Variants in EDIL3 observed in about 807,000 individuals in gnomAD.
The protein encoded by EDIL3 is EGF-like repeat and discoidin I-like domain-containing protein 3.
EDIL3 carries 37 observed loss-of-function variants against 67.4 expected under a neutral mutation model. That is an observed-to-expected ratio of 0.55 (90% confidence interval 0.42 to 0.72). The LOEUF (loss-of-function observed/expected upper bound fraction) is 0.72, where lower values mean the gene tolerates loss of function less well. Among genes scored for constraint, EDIL3 ranks in the 30% least tolerant of loss-of-function variants. The pLI, the probability that EDIL3 is intolerant of heterozygous loss-of-function variation, is 0.00. For missense variants in EDIL3, 527 were observed against 586.3 expected (o/e 0.90, Z 1.04); for synonymous variants, 195 against 196.3 (o/e 0.99, Z 0.05).
intron 1 of EDIL3, among the ~76,000 whole-genome samples, chr5:84,314,198 A>G (rs926506289): frequency 1.3e-5 from 2 of 152,146 alleles, no homozygotes; most frequent in African/African-American, 2.4e-5. Flanking sequence ...CTCCATCTCA[A>G]AAAAAGAAAA....
In EDIL3 at chr5:84,126,767, C is replaced by T. The variant is rs143191287; in HGVS notation, c.469+10474G>A. Among the ~76,000 whole-genome samples the T allele has an allele frequency of 3.7e-3, 556 of 152,144 alleles. 5 individuals are homozygous for T. The highest frequency in any genetic ancestry group is 0.013 in the African/African-American group (530 of 41,532). On this transcript the variant is annotated intron_variant, in intron 5 of 10. Transcript: ENST00000296591. Reference sequence around the variant, plus strand: ...GACACTTCTGTCCACCTATCCTTTGCGATCCTTACCTAGGGTTAAAAACCT... The same window carrying T: ...GACACTTCTGTCCACCTATCCTTTGTGATCCTTACCTAGGGTTAAAAACCT...
chr5:84,124,530 T>C (rs919744210), intron 5 of EDIL3, among the ~76,000 whole-genome samples: 1 of 151,914 alleles, frequency 6.6e-6, no homozygotes, highest in African/African-American at 2.4e-5. Flanking sequence ...TGTCACCTGC[T>C]AAGTGGCACA....
intron 1 of EDIL3, among the ~76,000 whole-genome samples, chr5:84,320,676 G>A (rs1401293096): frequency 5.3e-5 from 8 of 151,942 alleles, no homozygotes; most frequent in Non-Finnish European, 8.8e-5. Flanking sequence ...GAGCAAATCC[G>A]TTCCTCCATA....
intron 1 of EDIL3, among the ~76,000 whole-genome samples, chr5:84,306,842 C>T (rs1305379269): frequency 6.6e-6 from 1 of 152,164 alleles, no homozygotes; most frequent in Non-Finnish European, 1.5e-5. Context: ...GCTTTAAACC[C>T]CACCTTCACT....
At chr5:84,165,499 C>T (rs770842334) in intron 4 of EDIL3, among the ~76,000 whole-genome samples, 10 of 152,090 alleles carry the variant, frequency 6.6e-5, no homozygotes, top group Non-Finnish European at 1.0e-4. Context: ...TCCTGCCTTC[C>T]AATATTGCTC....
Position 84,299,148 on chromosome 5 carries a change from C to T in EDIL3, c.68-44936G>A, listed in dbSNP as rs577232554. 2.0e-5 allele frequency among the ~76,000 whole-genome samples: 3 copies of T among 152,204 alleles called. No homozygotes were observed. The East Asian group carries it at 5.8e-4, about 29-fold the overall frequency. On this transcript the variant is annotated intron_variant, in intron 1 of 10. Coordinates refer to ENST00000296591, the MANE Select transcript of EDIL3 (RefSeq NM_005711.5). ...AGAGAGGACTACCTCTGGAACACAC[C>T]ACGAGGACAGGTATAATCCCCATTA...
At chr5:83,996,304 A>G (rs1218805325) in intron 9 of EDIL3, among the ~76,000 whole-genome samples, 2 of 152,206 alleles carry the variant, frequency 1.3e-5, no homozygotes, top group African/African-American at 4.8e-5. Context: ...ATTCAAACAG[A>G]AAGAATCTGT....
intron 1 of EDIL3, among the ~76,000 whole-genome samples, chr5:84,305,431 T>A (rs532976465): frequency 2.6e-5 from 4 of 152,364 alleles, no homozygotes; most frequent in African/African-American, 9.6e-5. Context: ...ATGTTAGTTC[T>A]ATTGTCATTG....
chr5:83,990,180 T>C (rs960090146), intron 9 of EDIL3, among the ~76,000 whole-genome samples: 2 of 152,114 alleles, frequency 1.3e-5, no homozygotes, highest in African/African-American at 2.4e-5. Context: ...AATAATTTGT[T>C]ATGCAGCATT....
intron 3 of EDIL3, among the ~76,000 whole-genome samples, chr5:84,222,163 AT>A (rs1744355537): frequency 6.6e-6 from 1 of 151,880 alleles, no homozygotes; most frequent in South Asian, 2.1e-4. Flanking sequence ...AAAATTAAAT[AT>A]TTCAAAAGCT....
chr5:84,239,013 T>C (rs1744740043), intron 2 of EDIL3, among the ~76,000 whole-genome samples: 1 of 152,164 alleles, frequency 6.6e-6, no homozygotes, highest in African/African-American at 2.4e-5. Context: ...AAAATCTATA[T>C]ATCTTTCAAA....
chr5:84,099,569 A>G (rs2112276216), intron 6 of EDIL3, among the ~76,000 whole-genome samples: 1 of 151,062 alleles, frequency 6.6e-6, no homozygotes, highest in African/African-American at 2.4e-5. Context: ...CCTTATAAAA[A>G]AATTAACTCA....
At chr5:84,136,271 C>T (rs1748090164) in intron 5 of EDIL3, among the ~76,000 whole-genome samples, 1 of 152,196 alleles carries the variant, frequency 6.6e-6, no homozygotes, top group Non-Finnish European at 1.5e-5. Flanking sequence ...TCTGAAGTCT[C>T]ATCTGCATCT....
chr5:84,283,118 T>A (rs62363028), intron 1 of EDIL3, among the ~76,000 whole-genome samples: 12,999 of 152,028 alleles, frequency 0.086, 639 homozygotes, highest in Middle Eastern at 0.16. Context: ...TCAGTATTCA[T>A]ATATAGGAGC....
At chr5:83,975,018 G>C (rs1037497427) in intron 9 of EDIL3, among the ~76,000 whole-genome samples, 4 of 151,970 alleles carry the variant, frequency 2.6e-5, no homozygotes, top group Non-Finnish European at 5.9e-5. Context: ...ATGATTTAAT[G>C]AGTATATTTT....
chr5:84,191,074 A>G (rs1743575879), intron 3 of EDIL3, among the ~76,000 whole-genome samples: 1 of 152,088 alleles, frequency 6.6e-6, no homozygotes, highest in African/African-American at 2.4e-5. Context: ...CATTTACACT[A>G]GCAGGTTTCA....
At chr5:84,102,609 AC>A (rs1241141174) in intron 6 of EDIL3, among the ~76,000 whole-genome samples, 1 of 151,760 alleles carries the variant, frequency 6.6e-6, no homozygotes, top group African/African-American at 2.4e-5. Flanking sequence ...AATTGCTAAA[AC>A]AAAACAAAAC....
chr5:84,334,421 T>A (rs927771268), intron 1 of EDIL3, among the ~76,000 whole-genome samples: 1 of 152,154 alleles, frequency 6.6e-6, no homozygotes, highest in African/African-American at 2.4e-5. Context: ...GAAAAGTTTG[T>A]CTTAAAATTC....
chr5:84,006,078 TTAATAATAATAA>T (rs142039045), intron 9 of EDIL3, among the ~76,000 whole-genome samples: 15 of 139,848 alleles, frequency 1.1e-4, no homozygotes, highest in Non-Finnish European at 6.1e-5. Context: ...CACAATAGCA[TTAATAATAATAA>T]TAATAATAAT....
Sources: gnomAD v4.1 joint callset for allele counts (sites outside exome capture counted in the v4.1 genomes callset) on GRCh38, gnomAD v4.1.1 for gene constraint, MANE v1.5 for transcripts, NCBI Gene and HGNC (gene_info 2026-07-23, HGNC 2026-07-21) for gene names.